Variants in COBL observed in about 807,000 individuals in gnomAD.
COBL encodes the protein protein cordon-bleu.
COBL carries 51 observed loss-of-function variants against 98.8 expected under a neutral mutation model. The observed-to-expected ratio is 0.52, with a 90% CI of 0.41 to 0.65. COBL has a LOEUF of 0.65. COBL is among the 30% of genes least tolerant of loss of function. The probability of loss-of-function intolerance (pLI) is 0.00; values close to 1 mark genes in which losing one functional copy is unlikely to be tolerated. For synonymous variants in COBL, 634 were observed against 651.7 expected, an observed-to-expected ratio of 0.97 and a Z score of 0.41; for missense variants, 1,617 against 1,617.5, an observed-to-expected ratio of 1.00 and a Z score of 0.01.
chr7:51,121,019 T>C (rs1797690686), intron 6 of COBL, among the ~76,000 whole-genome samples: 1 of 152,176 alleles, frequency 6.6e-6, no homozygotes, highest in African/African-American at 2.4e-5. Flanking sequence ...TTTCAATTAT[T>C]TTGGATATAT....
In COBL at chr7:51,222,144, G is replaced by A. The variant is rs532573775; in HGVS notation, c.42-2200C>T. Among the ~76,000 whole-genome samples, 70 of 152,152 alleles carry A rather than the reference G, an allele frequency of 4.6e-4. 1 individual carries two copies. In the South Asian group the frequency reaches 0.012, roughly 26 times the overall value. ...GCAGAGGTTGCAGTGAGCCGAGATCGCACCACTGCACCCCAGCCTGGGCAA... is the reference window on the plus strand; with the variant it reads ...GCAGAGGTTGCAGTGAGCCGAGATCACACCACTGCACCCCAGCCTGGGCAA... On this transcript the variant is annotated intron_variant, in intron 1 of 12. Transcript: ENST00000265136.
intron 7 of COBL, among the ~76,000 whole-genome samples, chr7:51,061,246 G>GTA (rs1437444456): frequency 1.3e-5 from 2 of 151,992 alleles, no homozygotes; most frequent in Non-Finnish European, 1.5e-5. Flanking sequence ...GTGTGTGTGT[G>GTA]TATATATGTA....
At chr7:51,143,114 G>A (rs1477218868) in intron 5 of COBL, among the ~76,000 whole-genome samples, 1 of 152,158 alleles carries the variant, frequency 6.6e-6, no homozygotes, top group Non-Finnish European at 1.5e-5. Flanking sequence ...CATAGTGACT[G>A]ACCAGAATTA....
chr7:51,309,101 T>TC (rs1206494068), intron 1 of COBL, among the ~76,000 whole-genome samples: 2 of 151,812 alleles, frequency 1.3e-5, no homozygotes, highest in Non-Finnish European at 2.9e-5. Flanking sequence ...ACACCTACGT[T>TC]CCCCCGGCCC....
intron 5 of COBL, among the ~76,000 whole-genome samples, chr7:51,155,734 C>G (rs1358441878): frequency 6.7e-6 from 1 of 149,946 alleles, no homozygotes; most frequent in Non-Finnish European, 1.5e-5. Context: ...GTGTGTTAAA[C>G]AGAGTGGTAT....
chr7:51,255,716 A>G (rs866196348), intron 1 of COBL, among the ~76,000 whole-genome samples: 3 of 152,184 alleles, frequency 2.0e-5, no homozygotes, highest in Admixed American at 6.5e-5. Flanking sequence ...GAGACTCACA[A>G]TGAATCACGG....
chr7:51,288,668 C>T (rs1442995007), intron 1 of COBL, among the ~76,000 whole-genome samples: 4 of 151,292 alleles, frequency 2.6e-5, no homozygotes, highest in Admixed American at 1.3e-4. Flanking sequence ...GCAGGAGAAT[C>T]GCTTAAACCC....
chr7:51,033,867 C>G (rs551415345), intron 8 of COBL: 25 of 152,372 alleles, frequency 1.6e-4, no homozygotes, highest in African/African-American at 5.8e-4. Context: ...GAAACTGTAA[C>G]AGAGAGGCTG....
intron 6 of COBL, among the ~76,000 whole-genome samples, chr7:51,087,930 C>G (rs1490437384): frequency 6.6e-6 from 1 of 151,936 alleles, no homozygotes; most frequent in Non-Finnish European, 1.5e-5. Context: ...AGTATAGATG[C>G]CTACAGGAAC....
chr7:51,062,032 G>C (rs1180709548), intron 7 of COBL, among the ~76,000 whole-genome samples: 1 of 151,834 alleles, frequency 6.6e-6, no homozygotes, highest in African/African-American at 2.4e-5. Flanking sequence ...CTGACTAATA[G>C]AGATTTTGGA....
At chr7:51,247,477 G>A (rs1033196019) in intron 1 of COBL, among the ~76,000 whole-genome samples, 1 of 152,216 alleles carries the variant, frequency 6.6e-6, no homozygotes, top group Non-Finnish European at 1.5e-5. Context: ...TACACTTCAA[G>A]ACAACTGGTT....
At chr7:51,313,883 T>C (rs1001823264) in intron 1 of COBL, among the ~76,000 whole-genome samples, 1 of 152,218 alleles carries the variant, frequency 6.6e-6, no homozygotes, top group Non-Finnish European at 1.5e-5. Flanking sequence ...TTCTTATACT[T>C]CAACTGAGCT....
intron 5 of COBL, among the ~76,000 whole-genome samples, chr7:51,171,910 A>T (rs1787909785): frequency 6.6e-6 from 1 of 152,210 alleles, no homozygotes; most frequent in African/African-American, 2.4e-5. Flanking sequence ...TGTAATTTTT[A>T]ATAGGTGATA....
chr7:51,303,894 C>T (rs970907148), intron 1 of COBL, among the ~76,000 whole-genome samples: 4 of 152,134 alleles, frequency 2.6e-5, no homozygotes, highest in South Asian at 4.1e-4. Flanking sequence ...GCAGAGCCGC[C>T]GACAGAACAT....
intron 7 of COBL, among the ~76,000 whole-genome samples, chr7:51,077,070 T>C (rs1793156414): frequency 6.6e-6 from 1 of 152,186 alleles, no homozygotes; most frequent in Admixed American, 6.5e-5. Flanking sequence ...ACAATGAAGG[T>C]TCAACTGAAA....
intron 5 of COBL, among the ~76,000 whole-genome samples, chr7:51,168,893 G>A (rs1787589325): frequency 1.3e-5 from 2 of 152,176 alleles, no homozygotes; most frequent in Admixed American, 1.3e-4. Context: ...TAAAGAAAAT[G>A]TGGTACATAT....
intron 12 of COBL, among the ~76,000 whole-genome samples, chr7:51,023,166 G>C (rs1177447358): frequency 6.6e-6 from 1 of 152,094 alleles, no homozygotes; most frequent in African/African-American, 2.4e-5. Context: ...CAGAATTTGT[G>C]CTCATTTTTA....
chr7:51,068,331 T>C (rs1272758366), intron 7 of COBL, among the ~76,000 whole-genome samples: 2 of 152,240 alleles, frequency 1.3e-5, no homozygotes, highest in Admixed American at 1.3e-4. Context: ...TGCGACCAGC[T>C]TTCTTTCTCC....
At chr7:51,274,054 C>T (rs895911072) in intron 1 of COBL, among the ~76,000 whole-genome samples, 4 of 152,092 alleles carry the variant, frequency 2.6e-5, no homozygotes, top group African/African-American at 7.2e-5. Flanking sequence ...ATCGTAGCCT[C>T]GAATACCACC....
Sources: gnomAD v4.1 joint callset for allele counts (sites outside exome capture counted in the v4.1 genomes callset) on GRCh38, gnomAD v4.1.1 for gene constraint, MANE v1.5 for transcripts, NCBI Gene and HGNC (gene_info 2026-07-23, HGNC 2026-07-21) for gene names.